PELI2: variants seen among roughly 807,000 people sequenced by gnomAD.
PELI2 encodes pellino E3 ubiquitin protein ligase family member 2, also known as E3 ubiquitin-protein ligase pellino homolog 2.
A neutral mutation model predicts 42.3 loss-of-function variants in PELI2; 23 were observed. The ratio of observed to expected loss-of-function variants is 0.54; its 90% CI spans 0.39 to 0.77. PELI2 has a LOEUF of 0.77. Ranked by LOEUF, PELI2 falls within the 30% of genes least tolerant of loss-of-function variation. PELI2 has a pLI of 0.00. For synonymous variants in PELI2, 245 were observed against 212.2 expected, an observed-to-expected ratio of 1.15 and a Z score of -1.34; for missense variants, 463 against 553.2, an observed-to-expected ratio of 0.84 and a Z score of 1.64.
At chr14:56,285,733 G>C (rs1889624075) in intron 3 of PELI2, among the ~76,000 whole-genome samples, 1 of 152,108 alleles carries the variant, frequency 6.6e-6, no homozygotes, top group Admixed American at 6.5e-5. Context: ...GGTTGAGGAA[G>C]AAGGAAGCTA....
intron 1 of PELI2, among the ~76,000 whole-genome samples, chr14:56,156,036 G>A (rs1006317087): frequency 7.9e-5 from 12 of 152,068 alleles, no homozygotes; most frequent in African/African-American, 2.4e-5. Flanking sequence ...GTGGACATCC[G>A]TGTTTTGTTT....
chr14:56,213,210 TG>T (rs1186105367), intron 2 of PELI2, among the ~76,000 whole-genome samples: 1 of 152,224 alleles, frequency 6.6e-6, no homozygotes, highest in Non-Finnish European at 1.5e-5. Context: ...GTTACCTGGA[TG>T]GAAATGGAAA....
At chr14:56,250,290 G>A (rs1004547339) in intron 2 of PELI2, among the ~76,000 whole-genome samples, 3 of 152,170 alleles carry the variant, frequency 2.0e-5, no homozygotes, top group African/African-American at 4.8e-5. Context: ...AAGTTATATG[G>A]TGGCTTAGAT....
intron 1 of PELI2, among the ~76,000 whole-genome samples, chr14:56,149,161 C>T (rs577307350): frequency 6.6e-6 from 1 of 152,288 alleles, no homozygotes; most frequent in South Asian, 2.1e-4. Flanking sequence ...ATGGATCCTT[C>T]TGTGAAGGCA....
chr14:56,127,406 G>GT (rs1883313993), intron 1 of PELI2, among the ~76,000 whole-genome samples: 1 of 152,202 alleles, frequency 6.6e-6, no homozygotes, highest in African/African-American at 2.4e-5. Flanking sequence ...CTGCATTTGG[G>GT]TGGTTAAAGG....
intron 2 of PELI2, among the ~76,000 whole-genome samples, chr14:56,203,253 T>C (rs1886400044): frequency 3.3e-5 from 5 of 152,114 alleles, no homozygotes; most frequent in Non-Finnish European, 7.4e-5. Context: ...GGCATGAGAA[T>C]TGTTTGAACC....
chr14:56,173,010 C>G (rs75177530), intron 1 of PELI2, among the ~76,000 whole-genome samples: 20,895 of 152,158 alleles, frequency 0.14, 1,579 homozygotes, highest in Middle Eastern at 0.17. Flanking sequence ...CCTCCTTATT[C>G]TGCACCTTTT....
intron 1 of PELI2, among the ~76,000 whole-genome samples, chr14:56,173,398 T>C (rs894317551): frequency 4.6e-5 from 7 of 152,144 alleles, no homozygotes; most frequent in Non-Finnish European, 8.8e-5. Flanking sequence ...TTGTAAGGTT[T>C]TTTTTTTTCC....
intron 2 of PELI2, among the ~76,000 whole-genome samples, chr14:56,222,333 T>C (rs1320909134): frequency 6.6e-6 from 1 of 152,228 alleles, no homozygotes; most frequent in Non-Finnish European, 1.5e-5. Flanking sequence ...AACAACTTAG[T>C]TCCCTTAATT....
At chr14:56,220,225 C>T (rs377012196) in intron 2 of PELI2, among the ~76,000 whole-genome samples, 1 of 152,162 alleles carries the variant, frequency 6.6e-6, no homozygotes, top group East Asian at 1.9e-4. Context: ...GTGGGCCACA[C>T]TGCAGGATTG....
intron 1 of PELI2, among the ~76,000 whole-genome samples, chr14:56,162,158 C>G (rs1239195156): frequency 2.6e-5 from 4 of 152,108 alleles, no homozygotes; most frequent in African/African-American, 9.7e-5. Flanking sequence ...AAATGTACAA[C>G]TAAGTTATTA....
intron 3 of PELI2, among the ~76,000 whole-genome samples, chr14:56,280,992 C>T (rs1889465251): frequency 6.6e-6 from 1 of 152,032 alleles, no homozygotes; most frequent in Non-Finnish European, 1.5e-5. Flanking sequence ...ATAAAATACT[C>T]TTTATTACCT....
intron 2 of PELI2, among the ~76,000 whole-genome samples, chr14:56,254,902 T>C (rs976784487): frequency 3.9e-5 from 6 of 152,206 alleles, no homozygotes; most frequent in Admixed American, 1.3e-4. Context: ...TTATCACTGG[T>C]CATCAGAGAA....
At chr14:56,284,627 A>C (rs1343102982) in intron 3 of PELI2, among the ~76,000 whole-genome samples, 1 of 152,252 alleles carries the variant, frequency 6.6e-6, no homozygotes, top group Admixed American at 6.5e-5. Flanking sequence ...TATTAAGTTA[A>C]GAGGAAAATA....
At chr14:56,181,953 C>T (rs369204081) in intron 2 of PELI2, among the ~76,000 whole-genome samples, 60 of 152,174 alleles carry the variant, frequency 3.9e-4, no homozygotes, top group Admixed American at 1.4e-3. Flanking sequence ...TTCACCCATC[C>T]ATTTATTCAA....
At chr14:56,229,240 G>A (rs929890395) in intron 2 of PELI2, among the ~76,000 whole-genome samples, 1 of 152,246 alleles carries the variant, frequency 6.6e-6, no homozygotes, top group Non-Finnish European at 1.5e-5. Flanking sequence ...TTTGAAGAGA[G>A]TAGTGGTTCT....
chr14:56,235,472 C>CT (rs2139781180), intron 2 of PELI2, among the ~76,000 whole-genome samples: 1 of 152,320 alleles, frequency 6.6e-6, no homozygotes, highest in African/African-American at 2.4e-5. Flanking sequence ...CTCTTCTACG[C>CT]TAACGGGTGG....
chr14:56,128,452 G>T (rs1458537305), intron 1 of PELI2, among the ~76,000 whole-genome samples: 4 of 152,166 alleles, frequency 2.6e-5, no homozygotes, highest in Non-Finnish European at 5.9e-5. Flanking sequence ...CCTAGTTAGT[G>T]GGAATCTGAT....
At chr14:56,253,137 G>A (rs1271565557) in intron 2 of PELI2, among the ~76,000 whole-genome samples, 2 of 152,122 alleles carry the variant, frequency 1.3e-5, no homozygotes, top group African/African-American at 4.8e-5. Flanking sequence ...AAAGGCCATC[G>A]ATAAAATTCA....
Sources: allele counts gnomAD v4.1 joint callset (sites outside exome capture counted in the v4.1 genomes callset), GRCh38; gene constraint gnomAD v4.1.1; transcripts MANE v1.5; gene names NCBI Gene and HGNC (gene_info 2026-07-23, HGNC 2026-07-21).